ATXN7L1: variants seen among roughly 807,000 people sequenced by gnomAD.
ATXN7L1 encodes ataxin-7-like protein 1.
In ATXN7L1, 15 loss-of-function variants were observed where a neutral mutation model predicts 70.8. The observed-to-expected ratio is 0.21, with a 90% CI of 0.14 to 0.33. The LOEUF is 0.33. Ranked by LOEUF, ATXN7L1 falls within the 10% of genes least tolerant of loss-of-function variation. The pLI is 1.00. For missense variants in ATXN7L1, 975 were observed against 1,097.1 expected, an observed-to-expected ratio of 0.89 and a Z score of 1.57; for synonymous variants, 440 against 445.1, an observed-to-expected ratio of 0.99 and a Z score of 0.14.
At chr7:105,791,583 A>T (rs1805248213) in intron 2 of ATXN7L1, among the ~76,000 whole-genome samples, 1 of 152,206 alleles carries the variant, frequency 6.6e-6, no homozygotes, top group African/African-American at 2.4e-5. Flanking sequence ...TTCATTTTTT[A>T]AAAATAAAAC....
At position 105,729,301 on chromosome 7, in the gene ATXN7L1, G is replaced by GAATGAATAAATAAATA. The variant is rs549545980; in HGVS notation, c.355+59302_355+59303insTATTTATTTATTCATT. ...TAAATGAATGAATGAATGAATGAAT[G>GAATGAATAAATAAATA]AATAAATAAATAAATAAATAAATAA... On this transcript the variant is annotated intron_variant, in intron 3 of 11. Transcript: ENST00000419735. Among the ~76,000 whole-genome samples the GAATGAATAAATAAATA allele has an allele frequency of 4.1e-5, 6 of 147,658 alleles. No individual in the cohort carries two copies. In the Admixed American group the frequency reaches 4.1e-4, roughly 10 times the overall value.
chr7:105,681,183 T>C (rs978841211), intron 3 of ATXN7L1, among the ~76,000 whole-genome samples: 48 of 152,170 alleles, frequency 3.2e-4, no homozygotes, highest in African/African-American at 1.1e-3. Flanking sequence ...TCCCAGCACT[T>C]TGGGAGGCTG....
At chr7:105,666,885 G>C (rs1316021561) in intron 3 of ATXN7L1, among the ~76,000 whole-genome samples, 1 of 152,204 alleles carries the variant, frequency 6.6e-6, no homozygotes, top group Non-Finnish European at 1.5e-5. Flanking sequence ...CATATACACA[G>C]TATTAGGCTC....
chr7:105,771,559 G>A (rs910859518), intron 3 of ATXN7L1, among the ~76,000 whole-genome samples: 3 of 152,084 alleles, frequency 2.0e-5, no homozygotes, highest in African/African-American at 7.2e-5. Flanking sequence ...GCATCTCAGG[G>A]TGTAAAACAG....
At chr7:105,623,715 G>GC in intron 8 of ATXN7L1, among the ~76,000 whole-genome samples, 1 of 152,166 alleles carries the variant, frequency 6.6e-6, no homozygotes, top group Admixed American at 6.5e-5. Flanking sequence ...CAGAGGCTCC[G>GC]TTTTTAGATG....
chr7:105,681,717 C>T (rs1805582680), intron 3 of ATXN7L1, among the ~76,000 whole-genome samples: 1 of 152,158 alleles, frequency 6.6e-6, no homozygotes, highest in African/African-American at 2.4e-5. Context: ...AAAGGAAATT[C>T]TGACACATGC....
chr7:105,824,987 C>T (rs1810671033), intron 2 of ATXN7L1, among the ~76,000 whole-genome samples: 3 of 151,464 alleles, frequency 2.0e-5, no homozygotes, highest in Non-Finnish European at 1.5e-5. Context: ...TAAGTAATTT[C>T]AGATCAACAG....
chr7:105,667,438 G>A (rs1189929747), intron 3 of ATXN7L1, among the ~76,000 whole-genome samples: 5 of 143,468 alleles, frequency 3.5e-5, no homozygotes, highest in Non-Finnish European at 1.5e-5. Flanking sequence ...GGTGGCTCAC[G>A]CCTGTAATCC....
intron 4 of ATXN7L1, among the ~76,000 whole-genome samples, chr7:105,660,576 C>CTTTCT (rs1801439367): frequency 2.6e-5 from 2 of 78,142 alleles, no homozygotes; most frequent in Non-Finnish European, 2.3e-5. Flanking sequence ...CGGAAGTGAC[C>CTTTCT]TTTTTTTTTT....
intron 3 of ATXN7L1, among the ~76,000 whole-genome samples, chr7:105,715,159 C>CT (rs1024387510): frequency 1.3e-5 from 2 of 152,170 alleles, no homozygotes; most frequent in African/African-American, 4.8e-5. Context: ...AGCATAAACC[C>CT]TGGGAGGCAG....
chr7:105,778,100 T>C (rs1345119905), intron 3 of ATXN7L1, among the ~76,000 whole-genome samples: 1 of 152,202 alleles, frequency 6.6e-6, no homozygotes, highest in Non-Finnish European at 1.5e-5. Context: ...ATAAATATTT[T>C]TCAAATAAAC....
intron 4 of ATXN7L1, among the ~76,000 whole-genome samples, chr7:105,661,113 T>G (rs573179712): frequency 7.9e-5 from 12 of 152,252 alleles, no homozygotes; most frequent in African/African-American, 2.9e-4. Flanking sequence ...AAATAAGCAG[T>G]GGATGAAGGC....
intron 8 of ATXN7L1, among the ~76,000 whole-genome samples, chr7:105,623,452 A>C (rs1795226362): frequency 6.6e-6 from 1 of 152,334 alleles, no homozygotes; most frequent in East Asian, 1.9e-4. Flanking sequence ...CTCAGTGTCA[A>C]TGACCTTCTG....
At chr7:105,682,414 T>C (rs938444935) in intron 3 of ATXN7L1, among the ~76,000 whole-genome samples, 4 of 152,158 alleles carry the variant, frequency 2.6e-5, no homozygotes, top group African/African-American at 9.7e-5. Flanking sequence ...TGGACCAAAA[T>C]TCCACTCCTA....
intron 7 of ATXN7L1, among the ~76,000 whole-genome samples, chr7:105,636,731 A>G (rs1562931965): frequency 6.6e-6 from 1 of 152,192 alleles, no homozygotes; most frequent in Non-Finnish European, 1.5e-5. Context: ...TAGTCAAAGA[A>G]GGCTTTCAAA....
intron 2 of ATXN7L1, among the ~76,000 whole-genome samples, chr7:105,791,899 C>A (rs1805304330): frequency 6.6e-6 from 1 of 152,192 alleles, no homozygotes; most frequent in South Asian, 2.1e-4. Context: ...CAAGCATTAA[C>A]AAAAATTTCT....
chr7:105,860,225 T>C (rs1210455034), intron 2 of ATXN7L1, among the ~76,000 whole-genome samples: 1 of 149,438 alleles, frequency 6.7e-6, no homozygotes, highest in Non-Finnish European at 1.5e-5. Context: ...ATGGTACCGT[T>C]ATTTCAACCT....
At chr7:105,675,802 G>C (rs1320100377) in intron 3 of ATXN7L1, among the ~76,000 whole-genome samples, 1 of 151,054 alleles carries the variant, frequency 6.6e-6, no homozygotes, top group Non-Finnish European at 1.5e-5. Flanking sequence ...AGGTGGAAGA[G>C]AGAAAGTAGG....
intron 7 of ATXN7L1, among the ~76,000 whole-genome samples, chr7:105,625,688 T>C (rs1795602305): frequency 6.6e-6 from 1 of 152,222 alleles, no homozygotes; most frequent in South Asian, 2.1e-4. Flanking sequence ...CATGTCATCT[T>C]AATTATGGTT....
Sources: gnomAD v4.1 joint callset for allele counts (sites outside exome capture counted in the v4.1 genomes callset) on GRCh38, gnomAD v4.1.1 for gene constraint, MANE v1.5 for transcripts, NCBI Gene and HGNC (gene_info 2026-07-23, HGNC 2026-07-21) for gene names.